Variants in SLC9A7 observed in about 807,000 individuals in gnomAD.
SLC9A7 encodes solute carrier family 9 member A7, also known as sodium/hydrogen exchanger 7.
A neutral mutation model predicts 52.6 loss-of-function variants in SLC9A7; 19 were observed. The ratio of observed to expected loss-of-function variants is 0.36; its 90% CI spans 0.25 to 0.53. SLC9A7 has a LOEUF of 0.53. Ranked by LOEUF, SLC9A7 falls within the 20% of genes least tolerant of loss-of-function variation. The pLI is 0.91. For missense variants in SLC9A7, 455 were observed against 597.9 expected, an observed-to-expected ratio of 0.76 and a Z score of 2.49; for synonymous variants, 226 against 252.1, an observed-to-expected ratio of 0.90 and a Z score of 0.98.
rs1402703789 is a variant in SLC9A7 at position 46,603,362 on chromosome X, A to G, written c.*3590T>C. 2.7e-5 allele frequency: 3 copies of G among 112,239 alleles called. No homozygotes were observed. The South Asian group carries it at 1.1e-3, about 41-fold the overall frequency. 9.2% of individuals were successfully genotyped at this position (112,239 alleles called of 1,213,427 possible). On this transcript the variant is annotated 3_prime_UTR_variant, in exon 17 of 17. Transcript: ENST00000616978. Reference sequence around the variant, plus strand: ...CACCCCTCTAGTTTTGGTCTTGGCAATCTACATTTCCTTGTATGTGAGTAG... The same window carrying G: ...CACCCCTCTAGTTTTGGTCTTGGCAGTCTACATTTCCTTGTATGTGAGTAG...
At chrX:46,681,886 T>C (rs1944215043) in intron 2 of SLC9A7, among the ~76,000 whole-genome samples, 1 of 112,385 alleles carries the variant, frequency 8.9e-6, no homozygotes, top group Non-Finnish European at 1.9e-5. Flanking sequence ...AGCACTCAAA[T>C]ATTTGTAGGA....
At chrX:46,735,041 C>T (rs1318411518) in intron 1 of SLC9A7, among the ~76,000 whole-genome samples, 1 of 111,656 alleles carries the variant, frequency 9.0e-6, no homozygotes, top group Non-Finnish European at 1.9e-5. Context: ...TTAAAGTGGG[C>T]TTTTTCTTGT....
intron 14 of SLC9A7, among the ~76,000 whole-genome samples, chrX:46,625,182 C>A (rs572816294): frequency 9.1e-6 from 1 of 110,026 alleles, no homozygotes; most frequent in South Asian, 3.8e-4. Context: ...TCATTCCATT[C>A]TTATATAATA....
intron 1 of SLC9A7, among the ~76,000 whole-genome samples, chrX:46,734,379 G>T (rs1275649894): frequency 9.0e-6 from 1 of 111,584 alleles, no homozygotes; most frequent in Non-Finnish European, 1.9e-5. Flanking sequence ...AAATATTATA[G>T]ACGGAAAGAC....
At chrX:46,627,115 C>A (rs1350591944) in intron 14 of SLC9A7, among the ~76,000 whole-genome samples, 1 of 111,009 alleles carries the variant, frequency 9.0e-6, no homozygotes, top group Non-Finnish European at 1.9e-5. Context: ...AGTTTGAGAC[C>A]AGCCTGTGCA....
intron 1 of SLC9A7, among the ~76,000 whole-genome samples, chrX:46,728,885 A>G (rs1944983651): frequency 8.9e-6 from 1 of 112,655 alleles, no homozygotes; most frequent in East Asian, 2.8e-4. Flanking sequence ...GAAAGAAGCT[A>G]GAAAACAAAA....
chrX:46,657,421 G>C (rs1243510237), intron 7 of SLC9A7, among the ~76,000 whole-genome samples: 1 of 110,454 alleles, frequency 9.1e-6, no homozygotes, highest in African/African-American at 3.3e-5. Context: ...AGAAGACACA[G>C]ACTGGCAAAT....
chrX:46,670,946 C>T (rs1040807893), intron 4 of SLC9A7, among the ~76,000 whole-genome samples: 1 of 111,193 alleles, frequency 9.0e-6, no homozygotes, highest in Non-Finnish European at 1.9e-5. Flanking sequence ...TAGACTTCTC[C>T]GGCAGCCTTT....
chrX:46,693,230 C>A (rs1944405363), intron 1 of SLC9A7, among the ~76,000 whole-genome samples: 1 of 111,495 alleles, frequency 9.0e-6, no homozygotes, highest in Non-Finnish European at 1.9e-5. Context: ...AATTTTTTGG[C>A]AGAAATTGAC....
At chrX:46,701,798 T>C (rs1003342682) in intron 1 of SLC9A7, among the ~76,000 whole-genome samples, 2 of 111,138 alleles carry the variant, frequency 1.8e-5, no homozygotes, top group Non-Finnish European at 3.8e-5. Context: ...GCATATAAGC[T>C]ACATATACTA....
chrX:46,640,803 T>C (rs1404953837), intron 12 of SLC9A7, among the ~76,000 whole-genome samples: 3 of 112,338 alleles, frequency 2.7e-5, no homozygotes. Context: ...TCATTATCTA[T>C]GAGAGAAATG....
At chrX:46,643,582 A>G (rs1025163693) in intron 11 of SLC9A7, among the ~76,000 whole-genome samples, 193 bp from the exon 12 acceptor site, 2 of 111,941 alleles carry the variant, frequency 1.8e-5, no homozygotes, top group African/African-American at 6.5e-5. Context: ...AAACTCCCCA[A>G]CACAATGAAA....
intron 13 of SLC9A7, among the ~76,000 whole-genome samples, chrX:46,633,339 A>T (rs963946143): frequency 2.1e-5 from 1 of 47,401 alleles, no homozygotes; most frequent in African/African-American, 1.3e-4. Flanking sequence ...CTGCTGCTAA[A>T]AAAAAAAAAA....
chrX:46,728,607 T>G (rs1944980417), intron 1 of SLC9A7, among the ~76,000 whole-genome samples: 1 of 112,169 alleles, frequency 8.9e-6, no homozygotes, highest in Admixed American at 9.5e-5. Flanking sequence ...AAACATACAC[T>G]CACCATGCAG....
intron 15 of SLC9A7, among the ~76,000 whole-genome samples, chrX:46,617,642 C>T (rs1942975196): frequency 8.9e-6 from 1 of 112,409 alleles, no homozygotes; most frequent in Admixed American, 9.4e-5. Context: ...CAAATTGGCT[C>T]AAGACTTACC....
chrX:46,727,060 G>A (rs961342053), intron 1 of SLC9A7, among the ~76,000 whole-genome samples: 1 of 111,157 alleles, frequency 9.0e-6, no homozygotes, highest in Non-Finnish European at 1.9e-5. Flanking sequence ...TCACTCTCAG[G>A]TAGGCCTATA....
At chrX:46,658,635 A>C (rs958697357) in intron 7 of SLC9A7, among the ~76,000 whole-genome samples, 3 of 111,050 alleles carry the variant, frequency 2.7e-5, no homozygotes, top group Admixed American at 9.6e-5. Context: ...GAAATGGATA[A>C]ATTCCTCGAC....
chrX:46,661,855 C>T (rs992738916), intron 7 of SLC9A7, among the ~76,000 whole-genome samples, 161 bp downstream of exon 7: 6 of 112,005 alleles, frequency 5.4e-5, no homozygotes, highest in African/African-American at 1.3e-4. Context: ...GGGACCCAAC[C>T]GTCATGCTTC....
chrX:46,726,932 C>A (rs1279817837), intron 1 of SLC9A7, among the ~76,000 whole-genome samples: 2 of 111,685 alleles, frequency 1.8e-5, no homozygotes, highest in Non-Finnish European at 3.8e-5. Context: ...TGTCCCCATG[C>A]CAATTTACAG....
Sources: allele counts gnomAD v4.1 joint callset (sites outside exome capture counted in the v4.1 genomes callset), GRCh38; gene constraint gnomAD v4.1.1; transcripts MANE v1.5; gene names NCBI Gene and HGNC (gene_info 2026-07-23, HGNC 2026-07-21).